Variants in TRIM36 observed in about 807,000 individuals in gnomAD.
TRIM36 encodes the protein tripartite motif containing 36.
In TRIM36, 42 loss-of-function variants were observed where a neutral mutation model predicts 72.4. The ratio of observed to expected loss-of-function variants is 0.58; its 90% CI spans 0.45 to 0.75. The LOEUF (loss-of-function observed/expected upper bound fraction) is 0.75, where lower values mean the gene tolerates loss of function less well. Among genes scored for constraint, TRIM36 ranks in the 30% least tolerant of loss-of-function variants. The pLI is 0.00. For synonymous variants in TRIM36, 315 were observed against 282.8 expected (o/e 1.11, Z -1.14); for missense variants, 913 against 857.1 (o/e 1.07, Z -0.81).
At chr5:115,131,285 T>C (rs1752663023) in intron 8 of TRIM36, among the ~76,000 whole-genome samples, 1 of 152,132 alleles carries the variant, frequency 6.6e-6, no homozygotes. Flanking sequence ...TTATTGAAAG[T>C]TTTGTTAATT....
chr5:115,168,002 C>T (rs544405421), intron 1 of TRIM36, among the ~76,000 whole-genome samples: 125 of 152,232 alleles, frequency 8.2e-4, no homozygotes, highest in African/African-American at 2.4e-3. Context: ...GGAGTAAGAA[C>T]AGAGAATACT....
At chr5:115,136,935 G>C (rs1033595210) in intron 7 of TRIM36, 65 bp downstream of exon 7, 3 of 1,432,878 alleles carry the variant, frequency 2.1e-6, no homozygotes, top group African/African-American at 2.9e-5. Context: ...GAGAACTTGT[G>C]TTTTCTTCCA....
chr5:115,151,893 T>C (rs1014145144), intron 2 of TRIM36, among the ~76,000 whole-genome samples: 1 of 152,204 alleles, frequency 6.6e-6, no homozygotes, highest in Non-Finnish European at 1.5e-5. Context: ...CCTTGAGCCC[T>C]AACATTTCCT....
At chr5:115,175,541 TC>T (rs1377388989) in intron 1 of TRIM36, among the ~76,000 whole-genome samples, 1 of 152,176 alleles carries the variant, frequency 6.6e-6, no homozygotes, top group East Asian at 1.9e-4. Context: ...TGGGTCTCAG[TC>T]CAGCATCCTT....
intron 2 of TRIM36, chr5:115,148,415 CTTTTT>C (rs146223001): frequency 2.3e-4 from 117 of 507,604 alleles, no homozygotes; most frequent in Non-Finnish European, 2.4e-4. Context: ...TAAATCTGTT[CTTTTT>C]TTTTTTTTTT....
intron 9 of TRIM36, among the ~76,000 whole-genome samples, chr5:115,128,094 G>GGGA (rs1554060419): frequency 1.3e-5 from 2 of 149,998 alleles, no homozygotes; most frequent in South Asian, 4.4e-4. Context: ...AAAATTGGGG[G>GGGA]GGGCCAGGAG....
At chr5:115,135,479 TA>T (rs11409468) in intron 7 of TRIM36, among the ~76,000 whole-genome samples, 658 of 143,180 alleles carry the variant, frequency 4.6e-3, no homozygotes, top group African/African-American at 0.014. Context: ...CATAGCTTAC[TA>T]AAAAAAAAAA....
chr5:115,136,981 T>C lies in TRIM36; in HGVS notation c.1210+19A>G, dbSNP rs1328063711. 1 of 1,551,298 alleles carries C rather than the reference T, an allele frequency of 6.4e-7. No individual in the cohort carries two copies. The highest frequency in any genetic ancestry group is 8.7e-7 in the Non-Finnish European group (1 of 1,152,738). ...ATTCAGACAAAAAGAATGAGGTTTT[T>C]GCCTTCATTAAGACTTACCACTAGA... On this transcript the variant is annotated intron_variant, in intron 7 of 9. Coordinates refer to ENST00000513154, the MANE Select transcript of TRIM36 (RefSeq NM_001300759.2).
At chr5:115,131,800 C>G (rs144963660) in intron 8 of TRIM36, among the ~76,000 whole-genome samples, 3 of 152,134 alleles carry the variant, frequency 2.0e-5, no homozygotes, top group African/African-American at 7.2e-5. Flanking sequence ...TTGCATTATT[C>G]CAGTTATATG....
Position 115,130,646 on chromosome 5 carries a change from G to A in TRIM36, c.1742C>T (p.Ser581Phe), listed in dbSNP as rs143741495. The A allele has an allele frequency of 4.4e-5, 71 of 1,614,052 alleles. No individual in the cohort carries two copies. The highest frequency in any genetic ancestry group is 5.8e-5 in the Non-Finnish European group (69 of 1,180,032). The change falls in exon 9 of 10, where the codon TCT (serine) becomes TTT (phenylalanine). Residue 581 changes from serine to phenylalanine, a missense_variant. Ser to Phe is a radical substitution (Grantham distance 155). Transcript: ENST00000513154. ...YSYLVKVGVA[S>F]SDKLQEWLRS... is the part of the protein sequence containing the mutation. ...GAGCCATTCTTGTAGTTTATCGCTA[G>A]AAGCAACTCCCACTTTTACCAGGTA...
intron 2 of TRIM36, among the ~76,000 whole-genome samples, chr5:115,152,331 A>T (rs1753937078): frequency 6.6e-6 from 1 of 152,154 alleles, no homozygotes; most frequent in South Asian, 2.1e-4. Context: ...AAGAAGAAAG[A>T]ATAAGAAAAT....
intron 2 of TRIM36, among the ~76,000 whole-genome samples, chr5:115,158,052 A>C (rs1754277379): frequency 1.3e-5 from 2 of 152,178 alleles, no homozygotes; most frequent in African/African-American, 4.8e-5. Context: ...AAATCTCACA[A>C]ATCACCACTG....
chr5:115,157,006 A>G (rs1754207495), intron 2 of TRIM36, among the ~76,000 whole-genome samples: 2 of 152,220 alleles, frequency 1.3e-5, no homozygotes, highest in East Asian at 1.9e-4. Flanking sequence ...GGCTAAGGAC[A>G]TGAATAGACA....
At chr5:115,156,387 G>T (rs1174924185) in intron 2 of TRIM36, among the ~76,000 whole-genome samples, 1 of 152,060 alleles carries the variant, frequency 6.6e-6, no homozygotes, top group Non-Finnish European at 1.5e-5. Flanking sequence ...GAACAAATCT[G>T]AAGGCATCAC....
chr5:115,179,969 A>C, intron 1 of TRIM36: 1 of 1,613,768 alleles, frequency 6.2e-7, no homozygotes, highest in Non-Finnish European at 8.5e-7. Flanking sequence ...GCGCCTCATC[A>C]CTTACCTTGC....
chr5:115,175,153 T>TAA (rs111847672), intron 1 of TRIM36, among the ~76,000 whole-genome samples: 45 of 146,586 alleles, frequency 3.1e-4, no homozygotes, highest in East Asian at 6.0e-4. Context: ...GCACATATTC[T>TAA]AAAAAAAAAA....
intron 5 of TRIM36, among the ~76,000 whole-genome samples, chr5:115,139,113 C>T (rs2112807651): frequency 6.6e-6 from 1 of 151,530 alleles, no homozygotes; most frequent in Admixed American, 6.6e-5. Flanking sequence ...GCCACTGCAC[C>T]CAGCTTTTTT....
intron 1 of TRIM36, among the ~76,000 whole-genome samples, chr5:115,166,664 G>A (rs139846908): frequency 6.6e-6 from 1 of 152,332 alleles, no homozygotes; most frequent in East Asian, 1.9e-4. Context: ...AATACACCCT[G>A]CTGCTCGCCA....
Position 115,126,333 on chromosome 5 carries a change from A to G in TRIM36, c.*170T>C, listed in dbSNP as rs1752355889. The G allele has an allele frequency of 1.7e-6, 1 of 578,006 alleles. No homozygotes were observed. The highest frequency in any genetic ancestry group is 3.0e-6 in the Non-Finnish European group (1 of 333,748). The allele number at this position is 578,006 out of a possible 1,614,324, so 35.8% of individuals were successfully genotyped here. The stretch of plus-strand genomic sequence containing the variant: ...TTTCATCATTTGTGAAAGGCAGAAC[A>G]ACGACATGAAGACACAAGGCTGTTT... On this transcript the variant is annotated 3_prime_UTR_variant, in exon 10 of 10. Coordinates refer to ENST00000513154, the MANE Select transcript of TRIM36 (RefSeq NM_001300759.2).
Sources: allele counts gnomAD v4.1 joint callset (sites outside exome capture counted in the v4.1 genomes callset), GRCh38; gene constraint gnomAD v4.1.1; transcripts MANE v1.5; gene names NCBI Gene and HGNC (gene_info 2026-07-23, HGNC 2026-07-21).